Variants in HEMK2 observed in about 807,000 individuals in gnomAD.
The protein encoded by HEMK2 is methyltransferase HEMK2.
the HEMK2 span, among the ~76,000 whole-genome samples, chr21:28,670,824 C>T: frequency 5.3e-5 from 8 of 152,220 alleles, no homozygotes; most frequent in African/African-American, 1.4e-4. Flanking sequence ...AAGGAACTGT[C>T]GAATGCTTAT....
chr21:28,843,593 A>C, the HEMK2 span, among the ~76,000 whole-genome samples: 1 of 152,226 alleles, frequency 6.6e-6, no homozygotes, highest in African/African-American at 2.4e-5. Flanking sequence ...AAAGAAAGGT[A>C]GGAAGATAGA....
At chr21:28,660,785 C>G in the HEMK2 span, among the ~76,000 whole-genome samples, 1 of 151,886 alleles carries the variant, frequency 6.6e-6, no homozygotes, top group Non-Finnish European at 1.5e-5. Flanking sequence ...TCCCCTATTA[C>G]TATTTTTTGG....
the HEMK2 span, among the ~76,000 whole-genome samples, chr21:28,710,948 T>C: frequency 6.6e-6 from 1 of 152,188 alleles, no homozygotes. Flanking sequence ...GCCTCCCATA[T>C]TCCATAAGAT....
At chr21:28,748,349 T>C in the HEMK2 span, among the ~76,000 whole-genome samples, 4 of 152,262 alleles carry the variant, frequency 2.6e-5, no homozygotes, top group Non-Finnish European at 5.9e-5. Flanking sequence ...TATTCACCTT[T>C]TACTATACCT....
At chr21:28,870,377 T>A in the HEMK2 span, among the ~76,000 whole-genome samples, 5 of 152,150 alleles carry the variant, frequency 3.3e-5, no homozygotes, top group South Asian at 1.0e-3. Flanking sequence ...GGGTTCACCC[T>A]CTGTTCAGTT....
the HEMK2 span, among the ~76,000 whole-genome samples, chr21:28,823,552 G>A: frequency 0.02 from 3,096 of 152,202 alleles, 100 homozygotes; most frequent in East Asian, 0.066. Flanking sequence ...CACAAAGCTG[G>A]GTTACAACCT....
the HEMK2 span, among the ~76,000 whole-genome samples, chr21:28,802,226 T>C: frequency 6.6e-6 from 1 of 152,174 alleles, no homozygotes; most frequent in Non-Finnish European, 1.5e-5. Context: ...TGTACAGACA[T>C]ATCTGTAAGA....
the HEMK2 span, among the ~76,000 whole-genome samples, chr21:28,809,130 T>C: frequency 1.3e-5 from 2 of 152,168 alleles, no homozygotes; most frequent in Non-Finnish European, 2.9e-5. Flanking sequence ...GAGGGATTGC[T>C]GATTAGTAGT....
the HEMK2 span, among the ~76,000 whole-genome samples, chr21:28,753,512 T>G: frequency 7.6e-3 from 1,157 of 152,216 alleles, 15 homozygotes; most frequent in African/African-American, 0.026. Flanking sequence ...AGGGTCATTA[T>G]GGGAGCAGAA....
chr21:28,627,911 G>A, the HEMK2 span, among the ~76,000 whole-genome samples: 1 of 152,122 alleles, frequency 6.6e-6, no homozygotes, highest in South Asian at 2.1e-4. Flanking sequence ...TCTCTGACTG[G>A]TTGCTGGCCA....
the HEMK2 span, among the ~76,000 whole-genome samples, chr21:28,772,901 T>A: frequency 6.6e-6 from 1 of 152,324 alleles, no homozygotes; most frequent in East Asian, 1.9e-4. Context: ...AAAGACAGCA[T>A]GTTATTCATT....
chr21:28,872,078 A>G, the HEMK2 span: 2 of 152,156 alleles, frequency 1.3e-5, no homozygotes, highest in African/African-American at 4.8e-5. Flanking sequence ...ACACTACTCA[A>G]TCTAGTACAA....
the HEMK2 span, among the ~76,000 whole-genome samples, chr21:28,819,494 G>A: frequency 1.3e-5 from 2 of 151,078 alleles, no homozygotes; most frequent in Non-Finnish European, 2.9e-5. Flanking sequence ...CTAGTTAGTG[G>A]AGGATTTACC....
chr21:28,678,986 C>T, the HEMK2 span, among the ~76,000 whole-genome samples: 1 of 152,204 alleles, frequency 6.6e-6, no homozygotes, highest in Non-Finnish European at 1.5e-5. Flanking sequence ...AACGCATCAA[C>T]TAATGAGCAA....
chr21:28,882,587 G>A, the HEMK2 span, among the ~76,000 whole-genome samples: 4 of 142,164 alleles, frequency 2.8e-5, no homozygotes, highest in Non-Finnish European at 4.6e-5. Flanking sequence ...TTTATGAGAC[G>A]AAATTAAATT....
the HEMK2 span, among the ~76,000 whole-genome samples, chr21:28,825,653 G>A: frequency 1.8e-3 from 280 of 152,306 alleles, no homozygotes; most frequent in Non-Finnish European, 2.2e-3. Context: ...TTAGGAACAA[G>A]GCAAAATTCA....
At chr21:28,871,895 T>G in the HEMK2 span, among the ~76,000 whole-genome samples, 1 of 151,652 alleles carries the variant, frequency 6.6e-6, no homozygotes, top group Non-Finnish European at 1.5e-5. Flanking sequence ...GCCCTATGTC[T>G]CTGTTTCTGT....
the HEMK2 span, among the ~76,000 whole-genome samples, chr21:28,642,960 G>A: frequency 3.9e-5 from 6 of 152,274 alleles, no homozygotes; most frequent in Admixed American, 2.6e-4. Context: ...AGCTGTTTTC[G>A]CTTAGGGTCG....
At chr21:28,627,699 C>A in the HEMK2 span, among the ~76,000 whole-genome samples, 1 of 152,170 alleles carries the variant, frequency 6.6e-6, no homozygotes, top group Non-Finnish European at 1.5e-5. Flanking sequence ...GGCCAATTCA[C>A]ACTGACTTCC....
Sources: gnomAD v4.1 joint callset for allele counts (sites outside exome capture counted in the v4.1 genomes callset) on GRCh38, gnomAD v4.1.1 for gene constraint, MANE v1.5 for transcripts, NCBI Gene and HGNC (gene_info 2026-07-23, HGNC 2026-07-21) for gene names.